Variants in FZD6 observed in about 807,000 individuals in gnomAD.
FZD6 encodes frizzled-6.
Under a neutral mutation model 61.4 loss-of-function variants are expected in FZD6, and 49 were observed. That is an observed-to-expected ratio of 0.80 (90% CI 0.63 to 1.01). The LOEUF (loss-of-function observed/expected upper bound fraction) is 1.01. Ranked by LOEUF, FZD6 falls within the 50% of genes least tolerant of loss-of-function variation. The pLI is 0.00. For synonymous variants in FZD6, 265 were observed against 292.2 expected (o/e 0.91, Z 0.95); for missense variants, 724 against 848.2 (o/e 0.85, Z 1.82).
intron 3 of FZD6, 117 bp downstream of exon 3, chr8:103,318,903 A>T (rs1814705383): frequency 1.4e-6 from 1 of 729,602 alleles, no homozygotes; most frequent in African/African-American, 1.7e-5. Context: ...TTACACACTT[A>T]ATATATGTCA....
chr8:103,323,636 G>T (rs1357148387), intron 3 of FZD6, among the ~76,000 whole-genome samples: 1 of 152,018 alleles, frequency 6.6e-6, no homozygotes, highest in Non-Finnish European at 1.5e-5. Flanking sequence ...TCGCCATGTT[G>T]GCCAGTCTGG....
chr8:103,313,286 G>A (rs1814546093), intron 2 of FZD6, among the ~76,000 whole-genome samples: 1 of 152,158 alleles, frequency 6.6e-6, no homozygotes, highest in Non-Finnish European at 1.5e-5. Flanking sequence ...CATAGAATTG[G>A]TAAAAGTAGC....
chr8:103,321,194 C>T (rs772710356), intron 3 of FZD6, among the ~76,000 whole-genome samples: 33 of 152,092 alleles, frequency 2.2e-4, no homozygotes, highest in African/African-American at 4.6e-4. Flanking sequence ...TTTGGAGAAA[C>T]GGAATTAATC....
chr8:103,304,328 T>C (rs1200769197), intron 2 of FZD6, among the ~76,000 whole-genome samples: 3 of 152,212 alleles, frequency 2.0e-5, no homozygotes, highest in Non-Finnish European at 2.9e-5. Context: ...TGAGATGGTT[T>C]AGAGCAGTGG....
chr8:103,326,422 T>C (rs1002770184), intron 4 of FZD6, among the ~76,000 whole-genome samples: 1 of 152,104 alleles, frequency 6.6e-6, no homozygotes, highest in Non-Finnish European at 1.5e-5. Context: ...GTGATCCTGC[T>C]ATATTAATAA....
chr8:103,304,430 T>G (rs1168231879), intron 2 of FZD6, among the ~76,000 whole-genome samples: 1 of 152,260 alleles, frequency 6.6e-6, no homozygotes, highest in Non-Finnish European at 1.5e-5. Flanking sequence ...AATCATGATC[T>G]CTGAAGATGG....
chr8:103,328,417 G>C lies in FZD6; in HGVS notation c.1541+1G>C. ...TTTTTAAACGAAATCGCAAGAGAGA[G>C]TAAGAAACTATTGAATTGTCTGACA... On this transcript the variant is annotated splice_donor_variant, in intron 5 of 6. Transcript: ENST00000358755. LOFTEE classifies it high-confidence loss of function. The C allele has an allele frequency of 6.2e-7, 1 of 1,606,896 alleles. No individual in the cohort carries two copies. Among genetic ancestry groups the C allele is most frequent in the South Asian group, 1.1e-5 (1 of 90,930 alleles).
intron 3 of FZD6, among the ~76,000 whole-genome samples, chr8:103,320,490 T>G (rs892872272): frequency 3.3e-5 from 5 of 151,954 alleles, no homozygotes; most frequent in African/African-American, 1.2e-4. Flanking sequence ...AGGGTGTTAC[T>G]GAAACAATAG....
intron 2 of FZD6, among the ~76,000 whole-genome samples, chr8:103,310,827 C>T (rs536460261): frequency 2.0e-5 from 3 of 152,208 alleles, no homozygotes; most frequent in Non-Finnish European, 4.4e-5. Context: ...ATTTAATTCA[C>T]TTTGCCATGG....
chr8:103,331,795 A>T lies in FZD6; in HGVS notation c.*286A>T. 2.8e-6 allele frequency: 1 copy of T among 352,688 alleles called. No homozygotes were observed. 21.8% of individuals were successfully genotyped at this position (352,688 alleles called of 1,614,324 possible). Reference sequence around the variant, plus strand: ...TTCCTTTTCTATTTATGAAGATTCTACTCTTGGTAAGAGTATTTTAAGATG... The same window carrying T: ...TTCCTTTTCTATTTATGAAGATTCTTCTCTTGGTAAGAGTATTTTAAGATG... On this transcript the variant is annotated 3_prime_UTR_variant, in exon 7 of 7. Transcript: ENST00000358755.
chr8:103,324,447 G>T, intron 3 of FZD6, 34 bp from the exon 4 acceptor site: 1 of 1,167,392 alleles, frequency 8.6e-7, no homozygotes, highest in South Asian at 1.4e-5. Context: ...TAAAAATGTT[G>T]ATTTCATATA....
chr8:103,330,535 C>A (rs1399235920), intron 6 of FZD6, among the ~76,000 whole-genome samples: 4 of 152,174 alleles, frequency 2.6e-5, no homozygotes, highest in Non-Finnish European at 5.9e-5. Flanking sequence ...ATGCAGACAG[C>A]TAATTGCATT....
chr8:103,320,503 T>C (rs1814753981), intron 3 of FZD6, among the ~76,000 whole-genome samples: 1 of 152,030 alleles, frequency 6.6e-6, no homozygotes. Context: ...AACAATAGCC[T>C]ATGAAAGTCT....
At chr8:103,304,678 A>G (rs1184106008) in intron 2 of FZD6, among the ~76,000 whole-genome samples, 1 of 152,238 alleles carries the variant, frequency 6.6e-6, no homozygotes, top group African/African-American at 2.4e-5. Flanking sequence ...TTATTTACAA[A>G]AACAGGCAGT....
Position 103,329,997 on chromosome 8 carries a change from C to G in FZD6, c.1884C>G (p.Leu628=). The stretch of plus-strand genomic sequence containing the variant: ...CGCCAGCAGCATCCATCTCCAGACT[C>G]TCTGGGGAACAGGTCGACGGGAAGG... ...PASPAASISR[L]SGEQVDGKGQ... is the part of the protein sequence containing the mutation. The change falls in exon 6 of 7, where the codon CTC becomes CTG. Residue 628 remains leucine, a synonymous_variant. Coordinates refer to ENST00000358755, the MANE Select transcript of FZD6 (RefSeq NM_003506.4). The G allele has an allele frequency of 6.2e-7, 1 of 1,613,842 alleles. No homozygotes were observed. Among genetic ancestry groups the G allele is most frequent in the Non-Finnish European group, 8.5e-7 (1 of 1,179,740 alleles).
chr8:103,301,141 A>T (rs1345142436), intron 2 of FZD6, among the ~76,000 whole-genome samples: 3 of 152,208 alleles, frequency 2.0e-5, no homozygotes, highest in African/African-American at 7.2e-5. Context: ...TACTATTTTT[A>T]AAATTGATTA....
intron 2 of FZD6, among the ~76,000 whole-genome samples, chr8:103,312,373 T>C (rs1296216002): frequency 6.6e-6 from 1 of 152,158 alleles, no homozygotes; most frequent in African/African-American, 2.4e-5. Context: ...AAGCACTGGG[T>C]TACTAAGAGA....
intron 3 of FZD6, among the ~76,000 whole-genome samples, chr8:103,324,264 T>C (rs1195325989): frequency 1.3e-5 from 2 of 152,174 alleles, no homozygotes; most frequent in Non-Finnish European, 2.9e-5. Context: ...TTGTATTTAA[T>C]ATAAATTATT....
At chr8:103,315,141 A>T (rs1026467628) in intron 2 of FZD6, among the ~76,000 whole-genome samples, 1 of 152,056 alleles carries the variant, frequency 6.6e-6, no homozygotes, top group Non-Finnish European at 1.5e-5. Flanking sequence ...GTGGAAGGAG[A>T]TGCTAATATA....
Sources: gnomAD v4.1 joint callset for allele counts (sites outside exome capture counted in the v4.1 genomes callset) on GRCh38, gnomAD v4.1.1 for gene constraint, MANE v1.5 for transcripts, NCBI Gene and HGNC (gene_info 2026-07-23, HGNC 2026-07-21) for gene names.